SEC16B: variants seen among roughly 807,000 people sequenced by gnomAD.
SEC16B encodes protein transport protein Sec16B.
In SEC16B, 115 loss-of-function variants were observed where a neutral mutation model predicts 141.8. The observed-to-expected ratio is 0.81, with a 90% confidence interval of 0.70 to 0.95. SEC16B has a LOEUF of 0.95. Among genes scored for constraint, SEC16B ranks in the 40% least tolerant of loss-of-function variants. SEC16B has a pLI of 0.00. For missense variants in SEC16B, 1,291 were observed against 1,312.3 expected (o/e 0.98, Z 0.25); for synonymous variants, 493 against 492.5 (o/e 1.00, Z -0.01).
intron 1 of SEC16B, 32 bp downstream of exon 1, chr1:177,969,852 G>A (rs937426599): frequency 6.6e-6 from 1 of 152,194 alleles, no homozygotes; most frequent in African/African-American, 2.4e-5. Context: ...AGCTCAAAGA[G>A]GGGAAAGAAG....
chr1:177,952,413 C>T (rs1302149632), intron 11 of SEC16B, among the ~76,000 whole-genome samples: 7 of 152,276 alleles, frequency 4.6e-5, no homozygotes, highest in East Asian at 1.9e-4. Flanking sequence ...CCCTCCTCCA[C>T]GCCAAGCCCA....
intron 8 of SEC16B, 59 bp downstream of exon 8, chr1:177,960,283 G>A: frequency 9.1e-7 from 1 of 1,100,492 alleles, no homozygotes; most frequent in South Asian, 1.3e-5. Flanking sequence ...TGCTGATCTG[G>A]GCAGGAAGAT....
upstream of SEC16B, among the ~76,000 whole-genome samples, chr1:177,972,079 C>T (rs1653981525): frequency 6.6e-6 from 1 of 152,170 alleles, no homozygotes; most frequent in South Asian, 2.1e-4. Flanking sequence ...ATTGCACAAC[C>T]CTGGCTTAAA....
chr1:177,939,750 G>T lies in SEC16B; in HGVS notation c.2155C>A (p.Pro719Thr), dbSNP rs1455193458. ...EQKVAGDIGD[P>T]HPTRSDISGA... Reference sequence around the variant, plus strand: ...GAAATATCTGAGCGAGTAGGATGAGGATCCCCAATGTCTCCTGCTACCTTT... The same window carrying T: ...GAAATATCTGAGCGAGTAGGATGAGTATCCCCAATGTCTCCTGCTACCTTT... The change falls in exon 18 of 26, where the codon CCT (proline) becomes ACT (threonine). Residue 719 changes from proline to threonine, a missense_variant. Pro to Thr is a conservative substitution (Grantham distance 38). Transcript: ENST00000308284. The T allele has an allele frequency of 1.3e-6, 2 of 1,593,850 alleles. No individual in the cohort carries two copies. Among genetic ancestry groups the T allele is most frequent in the Non-Finnish European group, 1.7e-6 (2 of 1,169,140 alleles).
At position 177,954,277 on chromosome 1, in the gene SEC16B, A is replaced by C; in HGVS notation, c.1463+2T>G. On this transcript the variant is annotated splice_donor_variant, in intron 11 of 25. Coordinates refer to ENST00000308284, the MANE Select transcript of SEC16B (RefSeq NM_033127.4). LOFTEE classifies it high-confidence loss of function. ...GGCCTCTTTTGTTAAGTCCTGACTCACCCACTCATGACCCAGCTGTAGGTC... is the reference window on the plus strand; with the variant it reads ...GGCCTCTTTTGTTAAGTCCTGACTCCCCCACTCATGACCCAGCTGTAGGTC... 1 of 1,560,558 alleles carries C rather than the reference A, an allele frequency of 6.4e-7. No homozygotes were observed. Among genetic ancestry groups the C allele is most frequent in the Non-Finnish European group, 8.7e-7 (1 of 1,151,482 alleles).
At position 177,941,882 on chromosome 1, in the gene SEC16B, AC is replaced by A. The variant is rs751839871; in HGVS notation, c.2022+17del. 14 of 1,612,384 alleles carry A rather than the reference AC, an allele frequency of 8.7e-6. No individual in the cohort carries two copies. Among genetic ancestry groups the A allele is most frequent in the Admixed American group, 1.7e-5 (1 of 59,724 alleles). On this transcript the variant is annotated intron_variant, in intron 16 of 25. Transcript: ENST00000308284. Reference sequence around the variant, plus strand: ...AGTGAAGATAAAACAACTGCACAGAACCCTTTGAGAGGCTCACCTTGATGAG... The same window carrying A: ...AGTGAAGATAAAACAACTGCACAGAACCTTTGAGAGGCTCACCTTGATGAG...
chr1:177,935,869 C>A (rs1650801137), intron 20 of SEC16B, among the ~76,000 whole-genome samples: 1 of 152,132 alleles, frequency 6.6e-6, no homozygotes, highest in Non-Finnish European at 1.5e-5. Context: ...GACCTTACAG[C>A]CTAACTGAGG....
At chr1:177,940,473 G>A (rs1340246821) in intron 17 of SEC16B, 137 bp downstream of exon 17, 1 of 603,348 alleles carries the variant, frequency 1.7e-6, no homozygotes, top group Admixed American at 2.5e-5. Context: ...TGTGCCTCAT[G>A]GGTGATGGGA....
At chr1:177,961,296 G>A in intron 6 of SEC16B, 1 of 454,758 alleles carries the variant, frequency 2.2e-6, no homozygotes, top group Non-Finnish European at 3.9e-6. Flanking sequence ...TCTTGCTTTT[G>A]CTTTTCCTAA....
chr1:177,946,072 G>T, intron 14 of SEC16B: 1 of 538,478 alleles, frequency 1.9e-6, no homozygotes, highest in Non-Finnish European at 3.3e-6. Context: ...TGCCTAACAC[G>T]GACCCACAAG....
chr1:177,951,704 A>G (rs1652203267), intron 12 of SEC16B, among the ~76,000 whole-genome samples: 1 of 152,220 alleles, frequency 6.6e-6, no homozygotes, highest in African/African-American at 2.4e-5. Flanking sequence ...CACATCTGCA[A>G]AGCAGAAAGA....
At chr1:177,954,464 G>A (rs2101961766) in intron 10 of SEC16B, 88 bp from the exon 11 acceptor site, 1 of 1,071,344 alleles carries the variant, frequency 9.3e-7, no homozygotes, top group South Asian at 1.4e-5. Flanking sequence ...ATCCTGAGCA[G>A]CAGAGGCTAG....
chr1:177,978,709 A>G (rs1463488185), intron 1 of SEC16B, among the ~76,000 whole-genome samples: 1 of 132,524 alleles, frequency 7.5e-6, no homozygotes, highest in African/African-American at 2.9e-5. Flanking sequence ...TCAAATAAAT[A>G]AATAAATAAA....
intron 1 of SEC16B, among the ~76,000 whole-genome samples, chr1:177,968,871 G>A (rs1021871460): frequency 2.6e-5 from 4 of 152,148 alleles, no homozygotes; most frequent in African/African-American, 9.7e-5. Flanking sequence ...TTCCCGGTTG[G>A]AGATTTTAAA....
intron 10 of SEC16B, 99 bp from the exon 11 acceptor site, chr1:177,954,475 G>T: frequency 1.0e-6 from 1 of 957,146 alleles, no homozygotes. Flanking sequence ...CAGAGGCTAG[G>T]CTTCCAGAAA....
intron 1 of SEC16B, among the ~76,000 whole-genome samples, chr1:177,977,139 C>T (rs1294886364): frequency 6.6e-6 from 1 of 152,098 alleles, no homozygotes; most frequent in Non-Finnish European, 1.5e-5. Flanking sequence ...TTCAAAGAAA[C>T]TTTACATGTG....
At chr1:177,930,393 A>G (rs1295609393) in intron 25 of SEC16B, among the ~76,000 whole-genome samples, 152 bp downstream of exon 25, 1 of 152,160 alleles carries the variant, frequency 6.6e-6, no homozygotes, top group Non-Finnish European at 1.5e-5. Context: ...TACTAATCCC[A>G]CTTTACAGAT....
upstream of SEC16B, among the ~76,000 whole-genome samples, chr1:177,970,412 G>A (rs373772239): frequency 1.4e-4 from 21 of 152,136 alleles, 1 homozygote; most frequent in South Asian, 8.3e-4. Flanking sequence ...GGGTCATTAC[G>A]GGGCTGAAAT....
intron 7 of SEC16B, 141 bp downstream of exon 7, chr1:177,960,650 G>C: frequency 2.2e-6 from 2 of 892,102 alleles, no homozygotes; most frequent in Non-Finnish European, 3.4e-6. Flanking sequence ...CCTAATCCAG[G>C]GGGTACATGG....
Sources: gnomAD v4.1 joint callset for allele counts (sites outside exome capture counted in the v4.1 genomes callset) on GRCh38, gnomAD v4.1.1 for gene constraint, MANE v1.5 for transcripts, NCBI Gene and HGNC (gene_info 2026-07-23, HGNC 2026-07-21) for gene names.